The following ADAMTS6 variants were observed in gnomAD, a reference collection of about 807,000 sequenced individuals.
The protein encoded by ADAMTS6 is ADAM metallopeptidase with thrombospondin type 1 motif 6.
Under a neutral mutation model 144.3 loss-of-function variants are expected in ADAMTS6, and 23 were observed. The ratio of observed to expected loss-of-function variants is 0.16; its 90% confidence interval spans 0.11 to 0.23. The LOEUF is 0.23. Among genes scored for constraint, ADAMTS6 ranks in the 10% least tolerant of loss-of-function variants. The pLI, the probability that ADAMTS6 is intolerant of heterozygous loss-of-function variation, is 1.00. For missense variants in ADAMTS6, 999 were observed against 1,379.6 expected, an observed-to-expected ratio of 0.72 and a Z score of 4.37; for synonymous variants, 444 against 457.5, an observed-to-expected ratio of 0.97 and a Z score of 0.38.
At position 65,332,861 on chromosome 5, in the gene ADAMTS6, T is replaced by C. The variant is rs551305677; in HGVS notation, c.1117+1181A>G. On this transcript the variant is annotated intron_variant, in intron 8 of 24. Transcript: ENST00000381055. ...AGCAAAGAGAGCTCTGTCTCCATTA[T>C]GCTTTTTAACTAGCAAGCTTCTCCA... 5.3e-5 allele frequency among the ~76,000 whole-genome samples: 8 copies of C among 152,298 alleles called. No homozygotes were observed. The South Asian group carries it at 1.4e-3, about 28-fold the overall frequency.
At chr5:65,240,684 C>T (rs1313312837) in intron 15 of ADAMTS6, among the ~76,000 whole-genome samples, 1 of 151,982 alleles carries the variant, frequency 6.6e-6, no homozygotes, top group Non-Finnish European at 1.5e-5. Context: ...AGAAGAGGGC[C>T]CTCACCAGAC....
At chr5:65,435,376 T>A (rs1358147661) in intron 7 of ADAMTS6, among the ~76,000 whole-genome samples, 1 of 152,132 alleles carries the variant, frequency 6.6e-6, no homozygotes, top group Non-Finnish European at 1.5e-5. Context: ...TTTTTTCAAA[T>A]AATTAAAAGC....
intron 20 of ADAMTS6, among the ~76,000 whole-genome samples, chr5:65,203,224 A>G (rs1755856930): frequency 1.3e-5 from 2 of 152,156 alleles, no homozygotes; most frequent in Admixed American, 1.3e-4. Context: ...AAAGAATTAA[A>G]TCATGCTGGT....
At chr5:65,351,157 C>T (rs1172111001) in intron 7 of ADAMTS6, among the ~76,000 whole-genome samples, 2 of 152,074 alleles carry the variant, frequency 1.3e-5, no homozygotes, top group Non-Finnish European at 2.9e-5. Flanking sequence ...ATTCCAGTTG[C>T]CAATAATTTA....
At chr5:65,412,825 A>C (rs1305874643) in intron 7 of ADAMTS6, among the ~76,000 whole-genome samples, 3 of 152,178 alleles carry the variant, frequency 2.0e-5, no homozygotes, top group Non-Finnish European at 4.4e-5. Context: ...AGTAATTGAA[A>C]ACCATAACTA....
chr5:65,149,167 C>T lies in ADAMTS6; in HGVS notation c.*2669G>A, dbSNP rs1752002460. 1 of 152,322 alleles carries T rather than the reference C, an allele frequency of 6.6e-6. No homozygotes were observed. The highest frequency in any genetic ancestry group is 2.4e-5 in the African/African-American group (1 of 41,424). The allele number at this position is 152,322 out of a possible 1,614,324, so 9.4% of individuals were successfully genotyped here. Reference sequence around the variant, plus strand: ...CTTTATCCCAGTGGCAGATACTGCTCCCAGGTGTAGGGTACCAGTTTCCCT... The same window carrying T: ...CTTTATCCCAGTGGCAGATACTGCTTCCAGGTGTAGGGTACCAGTTTCCCT... On this transcript the variant is annotated 3_prime_UTR_variant, in exon 25 of 25. Coordinates refer to ENST00000381055, the MANE Select transcript of ADAMTS6 (RefSeq NM_197941.4).
intron 1 of ADAMTS6, among the ~76,000 whole-genome samples, chr5:65,475,454 T>G (rs1265671373): frequency 6.6e-6 from 1 of 152,188 alleles, no homozygotes; most frequent in Non-Finnish European, 1.5e-5. Context: ...GATTCAATCC[T>G]TGCCCTTGGA....
intron 15 of ADAMTS6, among the ~76,000 whole-genome samples, chr5:65,226,899 T>A (rs1554050975): frequency 6.6e-6 from 1 of 152,068 alleles, no homozygotes; most frequent in East Asian, 1.9e-4. Context: ...AACAATTTTT[T>A]AAAAAAACCT....
intron 7 of ADAMTS6, among the ~76,000 whole-genome samples, chr5:65,345,177 G>T (rs757721408): frequency 6.6e-6 from 1 of 151,634 alleles, no homozygotes. Context: ...ATCAGCTTAG[G>T]ATTACACAAA....
Position 65,225,112 on chromosome 5 carries a change from T to C in ADAMTS6, c.2068-65A>G, listed in dbSNP as rs1757633768. On this transcript the variant is annotated intron_variant, in intron 16 of 24. Coordinates refer to ENST00000381055, the MANE Select transcript of ADAMTS6 (RefSeq NM_197941.4). ...ATTCTTGGAATCATAACTAATGAAATACATATAACTTATTTATTTGCTTGT... is the reference window on the plus strand; with the variant it reads ...ATTCTTGGAATCATAACTAATGAAACACATATAACTTATTTATTTGCTTGT... 7.6e-6 allele frequency: 11 copies of C among 1,446,432 alleles called. No homozygotes were observed. The South Asian group carries it at 1.7e-4, about 22-fold the overall frequency. 89.6% of individuals were successfully genotyped at this position (1,446,432 alleles called of 1,614,324 possible).
intron 7 of ADAMTS6, among the ~76,000 whole-genome samples, chr5:65,411,462 T>C (rs2150182969): frequency 6.6e-6 from 1 of 152,336 alleles, no homozygotes; most frequent in South Asian, 2.1e-4. Context: ...GCCAAATTTC[T>C]ATAAATGACT....
chr5:65,465,858 G>A (rs995819493), intron 3 of ADAMTS6, among the ~76,000 whole-genome samples: 2 of 152,126 alleles, frequency 1.3e-5, no homozygotes, highest in African/African-American at 4.8e-5. Flanking sequence ...ATGCCCAAGG[G>A]CTCAGTCCTT....
chr5:65,452,613 CTTATCA>C, intron 5 of ADAMTS6, 88 bp downstream of exon 5: 1 of 1,337,904 alleles, frequency 7.5e-7, no homozygotes, highest in Non-Finnish European at 1.0e-6. Flanking sequence ...CAGGTAAATT[CTTATCA>C]TTATTTACTT....
At chr5:65,425,963 C>T (rs1445150990) in intron 7 of ADAMTS6, among the ~76,000 whole-genome samples, 2 of 151,870 alleles carry the variant, frequency 1.3e-5, no homozygotes, top group African/African-American at 4.8e-5. Context: ...CGGGATTTCA[C>T]CATGGTCTCG....
intron 20 of ADAMTS6, among the ~76,000 whole-genome samples, chr5:65,212,798 C>G (rs2112319530): frequency 1.3e-5 from 2 of 152,264 alleles, no homozygotes; most frequent in South Asian, 4.1e-4. Flanking sequence ...ATATGCATCC[C>G]CTTAGCTTTC....
intron 7 of ADAMTS6, among the ~76,000 whole-genome samples, chr5:65,372,881 A>G (rs570917695): frequency 2.6e-5 from 4 of 151,944 alleles, no homozygotes; most frequent in African/African-American, 9.6e-5. Flanking sequence ...AGCAAATGTA[A>G]AAGAACAGAA....
intron 21 of ADAMTS6, among the ~76,000 whole-genome samples, chr5:65,195,209 C>T (rs997780584): frequency 6.6e-5 from 10 of 152,242 alleles, no homozygotes; most frequent in East Asian, 5.8e-4. Flanking sequence ...TTTTGAGCAT[C>T]GCATTGCTCT....
intron 20 of ADAMTS6, among the ~76,000 whole-genome samples, chr5:65,204,360 G>A (rs554610287): frequency 6.6e-6 from 1 of 152,208 alleles, no homozygotes; most frequent in South Asian, 2.1e-4. Flanking sequence ...AACCAACCAC[G>A]AACATGAGTT....
chr5:65,473,721 G>C lies in ADAMTS6; in HGVS notation c.-48C>G, dbSNP rs993152746. On this transcript the variant is annotated 5_prime_UTR_variant, in exon 2 of 25. Transcript: ENST00000381055. ...TTTTGAGGGCTACCTATGTGCTAAAGAGTCAATACCATACCAAAATCGAAG... is the reference window on the plus strand; with the variant it reads ...TTTTGAGGGCTACCTATGTGCTAAACAGTCAATACCATACCAAAATCGAAG... 1.9e-5 allele frequency: 26 copies of C among 1,380,662 alleles called. No homozygotes were observed. The African/African-American group carries it at 2.3e-4, about 12-fold the overall frequency. The allele number at this position is 1,380,662 out of a possible 1,614,324, so 85.5% of individuals were successfully genotyped here.
Sources: allele counts gnomAD v4.1 joint callset (sites outside exome capture counted in the v4.1 genomes callset), GRCh38; gene constraint gnomAD v4.1.1; transcripts MANE v1.5; gene names NCBI Gene and HGNC (gene_info 2026-07-23, HGNC 2026-07-21).